Variants in LRMDA observed in about 807,000 individuals in gnomAD.
The protein encoded by LRMDA is leucine rich melanocyte differentiation associated, also known as leucine-rich melanocyte differentiation-associated protein.
Under a neutral mutation model 29.8 loss-of-function variants are expected in LRMDA, and 18 were observed. That is an observed-to-expected ratio of 0.60 (90% CI 0.42 to 0.90). LRMDA has a LOEUF of 0.90. Ranked by LOEUF, LRMDA falls within the 40% of genes least tolerant of loss-of-function variation. The probability of loss-of-function intolerance (pLI) is 0.00; values close to 1 mark genes in which losing one functional copy is unlikely to be tolerated. For missense variants in LRMDA, 273 were observed against 273.9 expected, an observed-to-expected ratio of 1.00 and a Z score of 0.02; for synonymous variants, 125 against 109.4, an observed-to-expected ratio of 1.14 and a Z score of -0.89.
intron 5 of LRMDA, among the ~76,000 whole-genome samples, chr10:76,080,711 G>T (rs186037600): frequency 6.6e-6 from 1 of 152,274 alleles, no homozygotes; most frequent in East Asian, 1.9e-4. Flanking sequence ...CATTCAAAAG[G>T]CTTTATGGCT....
At chr10:76,223,989 A>G (rs1378792650) in intron 5 of LRMDA, among the ~76,000 whole-genome samples, 1 of 152,036 alleles carries the variant, frequency 6.6e-6, no homozygotes, top group Non-Finnish European at 1.5e-5. Context: ...CCTGCCAACC[A>G]TTCTGTTCTC....
At chr10:76,272,845 G>A (rs1190318477) in intron 5 of LRMDA, among the ~76,000 whole-genome samples, 2 of 152,112 alleles carry the variant, frequency 1.3e-5, no homozygotes, top group African/African-American at 4.8e-5. Context: ...GAGAGCAAAG[G>A]GGGAACTGCC....
At chr10:76,391,742 C>A (rs895668222) in intron 6 of LRMDA, among the ~76,000 whole-genome samples, 5 of 152,112 alleles carry the variant, frequency 3.3e-5, no homozygotes, top group African/African-American at 1.2e-4. Context: ...CTTTGGATAG[C>A]CCAGCTCCTG....
chr10:76,299,156 CGT>C (rs111635114), intron 5 of LRMDA, among the ~76,000 whole-genome samples: 41,282 of 147,078 alleles, frequency 0.28, 5,943 homozygotes, highest in Non-Finnish European at 0.34. Context: ...AGAGAAGAGC[CGT>C]GTGTGTGTGT....
intron 2 of LRMDA, among the ~76,000 whole-genome samples, chr10:75,671,812 G>A (rs544973845): frequency 9.9e-5 from 15 of 152,138 alleles, no homozygotes; most frequent in Admixed American, 2.0e-4. Context: ...CCCTAAGCCC[G>A]TGTGCATCTT....
At chr10:75,736,187 G>C (rs1842760467) in intron 2 of LRMDA, among the ~76,000 whole-genome samples, 1 of 152,214 alleles carries the variant, frequency 6.6e-6, no homozygotes, top group Non-Finnish European at 1.5e-5. Context: ...TAGCTATAGT[G>C]AGAACAGCAG....
chr10:75,788,463 C>T (rs1344792098), intron 2 of LRMDA, among the ~76,000 whole-genome samples: 1 of 152,198 alleles, frequency 6.6e-6, no homozygotes, highest in African/African-American at 2.4e-5. Context: ...CACATGCTAG[C>T]TAGTTGTCCG....
intron 2 of LRMDA, among the ~76,000 whole-genome samples, chr10:75,774,130 C>A (rs1393906185): frequency 6.6e-6 from 1 of 152,204 alleles, no homozygotes; most frequent in Non-Finnish European, 1.5e-5. Flanking sequence ...AGCCCTATTT[C>A]TTTAAATAGT....
At chr10:76,229,717 C>T (rs972551132) in intron 5 of LRMDA, among the ~76,000 whole-genome samples, 1 of 152,102 alleles carries the variant, frequency 6.6e-6, no homozygotes, top group Non-Finnish European at 1.5e-5. Context: ...GGTATCTCTT[C>T]CGAGCCCGTG....
chr10:76,276,083 T>C (rs544422698), intron 5 of LRMDA, among the ~76,000 whole-genome samples: 1 of 151,798 alleles, frequency 6.6e-6, no homozygotes, highest in South Asian at 2.1e-4. Flanking sequence ...TTCTCTCTCT[T>C]TCTTTCTTTC....
chr10:76,507,883 C>T (rs1842974868), intron 6 of LRMDA, among the ~76,000 whole-genome samples: 1 of 152,008 alleles, frequency 6.6e-6, no homozygotes, highest in South Asian at 2.1e-4. Flanking sequence ...TACCATGTAA[C>T]TCTGGTTACT....
intron 2 of LRMDA, among the ~76,000 whole-genome samples, chr10:76,012,571 A>G (rs11815445): frequency 0.013 from 1,904 of 152,116 alleles, 41 homozygotes; most frequent in African/African-American, 0.043. Context: ...TCTTCCCCCG[A>G]CCCCTGTAAC....
intron 2 of LRMDA, among the ~76,000 whole-genome samples, chr10:75,752,760 A>G (rs1428831863): frequency 6.6e-6 from 1 of 152,208 alleles, no homozygotes; most frequent in Non-Finnish European, 1.5e-5. Context: ...GGATCACATT[A>G]AATGAAGCTT....
intron 2 of LRMDA, among the ~76,000 whole-genome samples, chr10:75,445,807 G>T (rs904142100): frequency 1.3e-5 from 2 of 152,230 alleles, no homozygotes; most frequent in Non-Finnish European, 2.9e-5. Flanking sequence ...CAATAAAAGC[G>T]AGAGGGTTTA....
chr10:75,931,822 T>C (rs993790273), intron 2 of LRMDA, among the ~76,000 whole-genome samples: 3 of 152,196 alleles, frequency 2.0e-5, no homozygotes, highest in Non-Finnish European at 4.4e-5. Flanking sequence ...TGTGCAGTCA[T>C]ACTCAGGGTG....
intron 5 of LRMDA, among the ~76,000 whole-genome samples, chr10:76,273,850 A>G (rs1840097980): frequency 1.3e-5 from 2 of 152,310 alleles, no homozygotes; most frequent in African/African-American, 4.8e-5. Flanking sequence ...ATCCATGTAG[A>G]GTTCATACCA....
chr10:76,168,512 C>G (rs1239560516), intron 5 of LRMDA, among the ~76,000 whole-genome samples: 1 of 152,168 alleles, frequency 6.6e-6, no homozygotes. Context: ...AAGCATTGTT[C>G]TGGAACTTGG....
At chr10:75,627,333 A>T (rs1217856215) in intron 2 of LRMDA, among the ~76,000 whole-genome samples, 2 of 152,076 alleles carry the variant, frequency 1.3e-5, no homozygotes, top group African/African-American at 4.8e-5. Context: ...AGGGAGAGGG[A>T]TTTTCCTTGG....
At chr10:76,394,964 T>G (rs1841765836) in intron 6 of LRMDA, among the ~76,000 whole-genome samples, 1 of 152,154 alleles carries the variant, frequency 6.6e-6, no homozygotes, top group Non-Finnish European at 1.5e-5. Flanking sequence ...ATGTGATCCC[T>G]CTCTTTTGTG....
Sources: allele counts gnomAD v4.1 joint callset (sites outside exome capture counted in the v4.1 genomes callset), GRCh38; gene constraint gnomAD v4.1.1; transcripts MANE v1.5; gene names NCBI Gene and HGNC (gene_info 2026-07-23, HGNC 2026-07-21).